Variants in BICDL1 observed in about 807,000 individuals in gnomAD.
BICDL1 encodes the protein BICD family like cargo adaptor 1.
BICDL1 carries 20 observed loss-of-function variants against 76.8 expected under a neutral mutation model. That is an observed-to-expected ratio of 0.26 (90% CI 0.18 to 0.38). The LOEUF is 0.38. BICDL1 is among the 10% of genes least tolerant of loss of function. BICDL1 has a pLI of 1.00. For missense variants in BICDL1, 700 were observed against 798.6 expected, an observed-to-expected ratio of 0.88 and a Z score of 1.49; for synonymous variants, 383 against 337.1, an observed-to-expected ratio of 1.14 and a Z score of -1.49.
At chr12:120,040,681 G>T (rs1383765324) in intron 2 of BICDL1, among the ~76,000 whole-genome samples, 1 of 151,702 alleles carries the variant, frequency 6.6e-6, no homozygotes, top group Non-Finnish European at 1.5e-5. Flanking sequence ...CTCCCAAAGT[G>T]CTGGGATTAC....
chr12:120,005,414 C>T (rs528263865), intron 2 of BICDL1, among the ~76,000 whole-genome samples: 3 of 152,258 alleles, frequency 2.0e-5, no homozygotes, highest in East Asian at 3.9e-4. Context: ...TCCCAGAGTG[C>T]GGTGGCTGGA....
chr12:120,088,871 A>G (rs1222763273), intron 8 of BICDL1, among the ~76,000 whole-genome samples: 2 of 150,742 alleles, frequency 1.3e-5, no homozygotes, highest in African/African-American at 2.5e-5. Flanking sequence ...TTTCACTGTT[A>G]GCCAGGATGG....
At chr12:120,068,910 G>A (rs961755976) in intron 4 of BICDL1, among the ~76,000 whole-genome samples, 1 of 152,160 alleles carries the variant, frequency 6.6e-6, no homozygotes, top group Non-Finnish European at 1.5e-5. Context: ...CACAGAAGGG[G>A]CCATGGAGAA....
intron 2 of BICDL1, among the ~76,000 whole-genome samples, chr12:120,011,532 GCTGTTTGGT>G (rs1026571282): frequency 2.1e-4 from 32 of 152,264 alleles, no homozygotes; most frequent in African/African-American, 7.2e-4. Flanking sequence ...AGATAGAGAA[GCTGTTTGGT>G]CTTTTTGTAC....
At chr12:120,052,009 C>T (rs1415329990) in intron 2 of BICDL1, among the ~76,000 whole-genome samples, 4 of 152,054 alleles carry the variant, frequency 2.6e-5, no homozygotes, top group Admixed American at 6.5e-5. Flanking sequence ...GGCATGATCT[C>T]GGCTCACTGC....
At chr12:120,056,470 T>G (rs1001964163) in intron 2 of BICDL1, among the ~76,000 whole-genome samples, 1 of 152,116 alleles carries the variant, frequency 6.6e-6, no homozygotes, top group Non-Finnish European at 1.5e-5. Context: ...CCTGTAATCC[T>G]AGCACTTTGG....
At position 120,038,320 on chromosome 12, in the gene BICDL1, A is replaced by G. The variant is rs533853970; in HGVS notation, c.646-23390A>G. Among the ~76,000 whole-genome samples, 7 of 152,296 alleles carry G rather than the reference A, an allele frequency of 4.6e-5. No homozygotes were observed. In the South Asian group the frequency reaches 1.2e-3, roughly 27 times the overall value. On this transcript the variant is annotated intron_variant, in intron 2 of 9. Coordinates refer to ENST00000548673, the MANE Select transcript of BICDL1 (RefSeq NM_001367886.1). ...GAGCATTTTGAATTTGCTCTTAGTG[A>G]TATTTTTTGAAGTAAAGGATTTATT... is the stretch of plus-strand genomic sequence containing the variant.
At chr12:120,074,252 C>T (rs1873351915) in intron 6 of BICDL1, among the ~76,000 whole-genome samples, 191 bp from the exon 7 acceptor site, 1 of 151,904 alleles carries the variant, frequency 6.6e-6, no homozygotes. Flanking sequence ...CACCTTTTGT[C>T]TCTTCCCTCC....
chr12:120,005,589 T>C (rs1363312552), intron 2 of BICDL1, among the ~76,000 whole-genome samples: 2 of 152,190 alleles, frequency 1.3e-5, no homozygotes, highest in Admixed American at 6.5e-5. Context: ...GGCAGGCTGG[T>C]CTCAAACTCC....
chr12:120,064,779 G>A lies in BICDL1; in HGVS notation c.809G>A (p.Ser270Asn). ...DRKRELEHRLSATLEENDLLQ... is the reference protein window; with the variant it reads ...DRKRELEHRLNATLEENDLLQ... ...AAACGGGAGCTGGAGCATCGTCTCA[G>A]CGCTACTTTAGAGGAAAATGACCTG... The change falls in exon 4 of 10, where the codon AGC becomes AAC. Residue 270 changes from serine (S) to asparagine (N), a missense_variant. This residue lies in a region of BICDL1 where 455 missense variants were observed against 548.7 expected (regional missense o/e 0.83). Transcript: ENST00000548673. The A allele has an allele frequency of 6.2e-7, 1 of 1,613,792 alleles. No homozygotes were observed. The highest frequency in any genetic ancestry group is 8.5e-7 in the Non-Finnish European group (1 of 1,179,878).
chr12:120,036,296 C>T (rs1952529421), intron 2 of BICDL1, among the ~76,000 whole-genome samples: 2 of 152,144 alleles, frequency 1.3e-5, no homozygotes, highest in South Asian at 4.1e-4. Flanking sequence ...GAAGGTGTAA[C>T]CATGGAAGGT....
At chr12:120,053,761 G>A (rs891199425) in intron 2 of BICDL1, among the ~76,000 whole-genome samples, 3 of 152,192 alleles carry the variant, frequency 2.0e-5, no homozygotes, top group African/African-American at 7.2e-5. Flanking sequence ...AGTGCTATGC[G>A]TGTATTGCTA....
At chr12:120,016,033 C>A (rs1358540507) in intron 2 of BICDL1, among the ~76,000 whole-genome samples, 1 of 152,180 alleles carries the variant, frequency 6.6e-6, no homozygotes, top group Non-Finnish European at 1.5e-5. Context: ...AAAGTTCCCC[C>A]ATATCGTTCT....
chr12:119,993,049 G>T (rs1335309765), intron 1 of BICDL1: 1 of 150,142 alleles, frequency 6.7e-6, no homozygotes, highest in Non-Finnish European at 1.5e-5. Flanking sequence ...CACCTCCCAG[G>T]TTCATGACAT....
chr12:120,026,404 TTTC>T (rs1301496712), intron 2 of BICDL1, among the ~76,000 whole-genome samples: 2 of 152,154 alleles, frequency 1.3e-5, no homozygotes, highest in African/African-American at 4.8e-5. Flanking sequence ...AGGCTTAAGT[TTTC>T]TTCCCAACAA....
At chr12:120,050,257 T>TTTTTTTTTTC (rs1348572518) in intron 2 of BICDL1, among the ~76,000 whole-genome samples, 2 of 151,824 alleles carry the variant, frequency 1.3e-5, no homozygotes, top group African/African-American at 2.4e-5. Flanking sequence ...CTATTCTCTT[T>TTTTTTTTTTC]TTTTTTTTTC....
At chr12:120,037,975 C>G (rs1404817237) in intron 2 of BICDL1, among the ~76,000 whole-genome samples, 1 of 152,188 alleles carries the variant, frequency 6.6e-6, no homozygotes, top group Non-Finnish European at 1.5e-5. Flanking sequence ...AAACAGATGC[C>G]TGCTCAGAAC....
intron 1 of BICDL1, chr12:119,992,931 T>A (rs1951555493): frequency 6.6e-6 from 1 of 152,276 alleles, no homozygotes; most frequent in African/African-American, 2.4e-5. Flanking sequence ...CTCTACTACT[T>A]CAAAATTGGC....
Position 119,989,876 on chromosome 12 carries a change from C to A in BICDL1, c.8C>A (p.Ala3Asp). 7.1e-7 allele frequency: 1 copy of A among 1,417,148 alleles called. No homozygotes were observed. The highest frequency in any genetic ancestry group is 9.1e-7 in the Non-Finnish European group (1 of 1,097,074). 87.8% of individuals were successfully genotyped at this position (1,417,148 alleles called of 1,614,324 possible). MS[A>D]FCLGLVGRAS... ...GCTCCGCGCGCGCGGGCCATGTCCG[C>A]TTTCTGCCTGGGCTTGGTCGGCCGC... is the stretch of plus-strand genomic sequence containing the variant. The change falls in exon 1 of 10, where the codon GCT becomes GAT. Residue 3 changes from alanine (A) to aspartate (D), a missense_variant. Coordinates refer to ENST00000548673, the MANE Select transcript of BICDL1 (RefSeq NM_001367886.1).
Sources: allele counts gnomAD v4.1 joint callset (sites outside exome capture counted in the v4.1 genomes callset), GRCh38; gene constraint gnomAD v4.1.1; regional missense constraint gnomAD v4.1.1; transcripts MANE v1.5; gene names NCBI Gene and HGNC (gene_info 2026-07-23, HGNC 2026-07-21).